Variants in SHISA9 observed in about 807,000 individuals in gnomAD.
SHISA9 encodes protein shisa-9.
Under a neutral mutation model 38.0 loss-of-function variants are expected in SHISA9, and 13 were observed. The ratio of observed to expected loss-of-function variants is 0.34; its 90% confidence interval spans 0.22 to 0.54. The LOEUF is 0.54. SHISA9 is among the 20% of genes least tolerant of loss of function. The pLI is 0.91. For missense variants in SHISA9, 538 were observed against 575.8 expected (o/e 0.93, Z 0.67); for synonymous variants, 275 against 242.0 (o/e 1.14, Z -1.27).
intron 2 of SHISA9, among the ~76,000 whole-genome samples, chr16:13,085,657 C>A (rs375138120): frequency 4.6e-5 from 7 of 152,178 alleles, no homozygotes; most frequent in African/African-American, 1.7e-4. Context: ...GGTGCACCGC[C>A]TGGGTGTAGG....
chr16:13,202,594 A>C (rs2051016425), intron 2 of SHISA9, among the ~76,000 whole-genome samples: 2 of 80,674 alleles, frequency 2.5e-5, no homozygotes, highest in African/African-American at 1.1e-4. Context: ...TAACAATATA[A>C]ACCATAAGAA....
chr16:13,339,420 T>G, the SHISA9 span, among the ~76,000 whole-genome samples: 1 of 152,162 alleles, frequency 6.6e-6, no homozygotes, highest in Non-Finnish European at 1.5e-5. Flanking sequence ...GAATCAGGAT[T>G]TCTTCAGTTA....
the SHISA9 span, among the ~76,000 whole-genome samples, chr16:13,296,891 C>CA: frequency 0.038 from 1,009 of 26,608 alleles, 200 homozygotes; most frequent in Non-Finnish European, 0.048. Flanking sequence ...AACTCCATCT[C>CA]AAAAAAAAAA....
At chr16:13,186,755 T>C (rs1182072534) in intron 2 of SHISA9, among the ~76,000 whole-genome samples, 1 of 152,204 alleles carries the variant, frequency 6.6e-6, no homozygotes, top group African/African-American at 2.4e-5. Context: ...CTGGTAACCA[T>C]TCTACTTTCC....
chr16:13,393,251 A>G, the SHISA9 span, among the ~76,000 whole-genome samples: 1 of 152,198 alleles, frequency 6.6e-6, no homozygotes, highest in Non-Finnish European at 1.5e-5. Flanking sequence ...GTGCAGTCAC[A>G]CAGGGCCCAC....
At chr16:13,539,956 C>A in the SHISA9 span, among the ~76,000 whole-genome samples, 1 of 152,136 alleles carries the variant, frequency 6.6e-6, no homozygotes, top group African/African-American at 2.4e-5. Context: ...TATAGTATTC[C>A]ATGGTGTATA....
At chr16:13,038,529 G>T (rs2073099340) in intron 2 of SHISA9, among the ~76,000 whole-genome samples, 1 of 152,116 alleles carries the variant, frequency 6.6e-6, no homozygotes, top group South Asian at 2.1e-4. Context: ...TGCCTCCTCA[G>T]GACTTTTGCA....
chr16:13,489,401 G>A, the SHISA9 span, among the ~76,000 whole-genome samples: 2 of 152,118 alleles, frequency 1.3e-5, no homozygotes, highest in South Asian at 2.1e-4. Flanking sequence ...ATGTATGACT[G>A]TGTGTGTATA....
At chr16:13,317,748 A>T in the SHISA9 span, among the ~76,000 whole-genome samples, 2 of 152,340 alleles carry the variant, frequency 1.3e-5, no homozygotes, top group African/African-American at 4.8e-5. Flanking sequence ...GTTGGCAACC[A>T]TCTGTCCCTT....
chr16:13,158,085 C>A (rs2050563104), intron 2 of SHISA9, among the ~76,000 whole-genome samples: 1 of 152,168 alleles, frequency 6.6e-6, no homozygotes, highest in Non-Finnish European at 1.5e-5. Context: ...GGGGCCAGAC[C>A]TGGGCTTTAG....
At chr16:13,153,198 G>A (rs2050514448) in intron 2 of SHISA9, among the ~76,000 whole-genome samples, 1 of 151,998 alleles carries the variant, frequency 6.6e-6, no homozygotes, top group African/African-American at 2.4e-5. Flanking sequence ...TAATAAATCT[G>A]TGTTGTTTTA....
the SHISA9 span, among the ~76,000 whole-genome samples, chr16:13,479,642 A>G: frequency 6.6e-6 from 1 of 152,212 alleles, no homozygotes; most frequent in Non-Finnish European, 1.5e-5. Flanking sequence ...CATGCTAATC[A>G]CGAGCTAGTT....
At chr16:13,038,773 A>G (rs924836414) in intron 2 of SHISA9, among the ~76,000 whole-genome samples, 7 of 152,224 alleles carry the variant, frequency 4.6e-5, no homozygotes, top group Non-Finnish European at 7.3e-5. Flanking sequence ...TAAGCTCCAC[A>G]GAGGCAAAGA....
chr16:13,272,345 C>T, the SHISA9 span, among the ~76,000 whole-genome samples: 1 of 152,092 alleles, frequency 6.6e-6, no homozygotes, highest in East Asian at 1.9e-4. Context: ...TTCCACCCCT[C>T]TGCCACAGGT....
chr16:13,099,021 T>C (rs2073853526), intron 2 of SHISA9, among the ~76,000 whole-genome samples: 1 of 152,268 alleles, frequency 6.6e-6, no homozygotes. Context: ...ATTTATTGAA[T>C]ACTAAATGCC....
the SHISA9 span, among the ~76,000 whole-genome samples, chr16:13,551,135 A>C: frequency 6.6e-6 from 1 of 151,682 alleles, no homozygotes; most frequent in East Asian, 1.9e-4. Flanking sequence ...AAAAAAAAAA[A>C]AAGAAGTGAT....
At chr16:12,909,015 C>G (rs902438096) in intron 1 of SHISA9, 12 of 998,064 alleles carry the variant, frequency 1.2e-5, no homozygotes, top group Non-Finnish European at 1.4e-5. Flanking sequence ...CTCCTCTTGC[C>G]TTTTGCCTTC....
chr16:13,271,596 C>G, the SHISA9 span, among the ~76,000 whole-genome samples: 1 of 152,078 alleles, frequency 6.6e-6, no homozygotes, highest in African/African-American at 2.4e-5. Flanking sequence ...GAATGAACCT[C>G]AAATATATTA....
the SHISA9 span, among the ~76,000 whole-genome samples, chr16:13,502,475 A>G: frequency 1.3e-3 from 197 of 152,342 alleles, 2 homozygotes; most frequent in African/African-American, 4.6e-3. Context: ...TTCAACAAAT[A>G]TATTTATTGT....
Sources: allele counts gnomAD v4.1 joint callset (sites outside exome capture counted in the v4.1 genomes callset), GRCh38; gene constraint gnomAD v4.1.1; transcripts MANE v1.5; gene names NCBI Gene and HGNC (gene_info 2026-07-23, HGNC 2026-07-21).